PTPN5: variants seen among roughly 807,000 people sequenced by gnomAD.
PTPN5 encodes the protein protein tyrosine phosphatase non-receptor type 5.
In PTPN5, 29 loss-of-function variants were observed where a neutral mutation model predicts 73.9. The observed-to-expected ratio is 0.39, with a 90% CI of 0.29 to 0.54. The LOEUF (loss-of-function observed/expected upper bound fraction) is 0.54. Ranked by LOEUF, PTPN5 falls within the 20% of genes least tolerant of loss-of-function variation. The pLI, the probability that PTPN5 is intolerant of heterozygous loss-of-function variation, is 0.65. For synonymous variants in PTPN5, 267 were observed against 304.7 expected, an observed-to-expected ratio of 0.88 and a Z score of 1.29; for missense variants, 652 against 751.4, an observed-to-expected ratio of 0.87 and a Z score of 1.55.
In PTPN5 at chr11:18,759,699, T is replaced by G. The variant is rs536497776; in HGVS notation, c.97+6108A>C. Among the ~76,000 whole-genome samples, 6 of 152,162 alleles carry G rather than the reference T, an allele frequency of 3.9e-5. No homozygotes were observed. The East Asian group carries it at 7.7e-4, about 20-fold the overall frequency. ...TAAATATCTCTAAATGTATTTGAAG[T>G]CTTGAATGAAAACAGAACCATCAAT... On this transcript the variant is annotated intron_variant, in intron 3 of 14. Transcript: ENST00000358540.
At chr11:18,731,398 T>C (rs1023275986) in intron 12 of PTPN5, among the ~76,000 whole-genome samples, 2 of 152,130 alleles carry the variant, frequency 1.3e-5, no homozygotes, top group African/African-American at 4.8e-5. Context: ...AGCTCTGTGT[T>C]CACAGTATCC....
Position 18,729,409 on chromosome 11 carries a change from G to T in PTPN5, c.1604+44C>A. The T allele has an allele frequency of 1.0e-6, 1 of 958,788 alleles. No individual in the cohort carries two copies. 59.4% of individuals were successfully genotyped at this position (958,788 alleles called of 1,614,324 possible). A position where few individuals can be genotyped will look rare whatever the true frequency, so the allele number is the denominator to read the frequency against. ...GGGTCTCTCCCTCTACCCGCTCGGG[G>T]CTCTAGCTCCCTTGTGTGTCCCCAC... On this transcript the variant is annotated intron_variant, in intron 14 of 14. Coordinates refer to ENST00000358540, the MANE Select transcript of PTPN5 (RefSeq NM_006906.2). This position sits in a 1 kb window ranked among gnomAD's most constrained non-coding sequence, Gnocchi z 5.2.
At chr11:18,759,668 T>C (rs748286570) in intron 3 of PTPN5, among the ~76,000 whole-genome samples, 1 of 152,232 alleles carries the variant, frequency 6.6e-6, no homozygotes, top group Non-Finnish European at 1.5e-5. Context: ...GTACCATCAA[T>C]GACAATAAAT....
chr11:18,748,810 G>C (rs138217559), intron 3 of PTPN5, among the ~76,000 whole-genome samples: 1 of 152,258 alleles, frequency 6.6e-6, no homozygotes, highest in East Asian at 1.9e-4. Context: ...AAGATTCAAT[G>C]TCATGCAATT....
Position 18,771,991 on chromosome 11 carries a change from C to T in PTPN5, c.-33G>A, listed in dbSNP as rs1246608229. The T allele has an allele frequency of 2.6e-6, 4 of 1,542,092 alleles. No homozygotes were observed. The highest frequency in any genetic ancestry group is 3.4e-4 in the Middle Eastern group (2 of 5,880). On this transcript the variant is annotated 5_prime_UTR_variant, in exon 2 of 15. Transcript: ENST00000358540. Reference sequence around the variant, plus strand: ...GTGTCTGGATGGGGAAGGGTGCCATCTTCCAGGGCAGGAAGCTTTCTCAGC... The same window carrying T: ...GTGTCTGGATGGGGAAGGGTGCCATTTTCCAGGGCAGGAAGCTTTCTCAGC...
At chr11:18,764,341 G>T (rs1564916669) in intron 3 of PTPN5, among the ~76,000 whole-genome samples, 1 of 152,176 alleles carries the variant, frequency 6.6e-6, no homozygotes, top group African/African-American at 2.4e-5. Context: ...CCGCAAGACA[G>T]CCATTCAGAT....
At chr11:18,751,408 G>A (rs1246004728) in intron 3 of PTPN5, among the ~76,000 whole-genome samples, 2 of 152,148 alleles carry the variant, frequency 1.3e-5, no homozygotes, top group Admixed American at 6.5e-5. Flanking sequence ...GAGAAGCCCT[G>A]GAGGAAAAAA....
rs140552183 is a variant in PTPN5 at position 18,743,418 on chromosome 11, C to G, written c.303G>C (p.Gly101=). ...GGCCATAACCGCTGAACCAGAGCAC[C>G]CCACAGGCAAGCTGGGGCACAGGGG... ...FAASQFLLAC[G]VLWFSGYGHI... The change falls in exon 5 of 15, where the codon GGG becomes GGC. Residue 101 remains glycine (G), a synonymous_variant. Coordinates refer to ENST00000358540, the MANE Select transcript of PTPN5 (RefSeq NM_006906.2). 41 of 1,614,096 alleles carry G rather than the reference C, an allele frequency of 2.5e-5. 1 individual carries two copies. In the Middle Eastern group the frequency reaches 4.9e-4, roughly 19 times the overall value.
In PTPN5 at chr11:18,743,638, C is replaced by T. The variant is rs1590517057; in HGVS notation, c.292-209G>A. The T allele has an allele frequency of 6.7e-6, 4 of 599,008 alleles. No homozygotes were observed. In the East Asian group the frequency reaches 1.1e-4, roughly 17 times the overall value. The allele number at this position is 599,008 out of a possible 1,614,324, so 37.1% of individuals were successfully genotyped here. A position where few individuals can be genotyped will look rare whatever the true frequency, so the allele number is the denominator to read the frequency against. On this transcript the variant is annotated intron_variant, in intron 4 of 14. Coordinates refer to ENST00000358540, the MANE Select transcript of PTPN5 (RefSeq NM_006906.2). ...TGGAGAAAAGCTGACTGAAGGGAAC[C>T]AAGAGAAAGCCCTTTCCAGAGAGGA... is the stretch of plus-strand genomic sequence containing the variant.
At chr11:18,738,972 CA>C (rs375555659) in intron 8 of PTPN5, among the ~76,000 whole-genome samples, 6,149 of 70,088 alleles carry the variant, frequency 0.088, 177 homozygotes, top group East Asian at 0.27. Context: ...AACCCTGTCT[CA>C]AAAAAAAAAA....
At chr11:18,756,390 G>A (rs1181692023) in intron 3 of PTPN5, among the ~76,000 whole-genome samples, 1 of 147,926 alleles carries the variant, frequency 6.8e-6, no homozygotes, top group Non-Finnish European at 1.5e-5. Flanking sequence ...TCTGCTTCCC[G>A]GGTTCAAGTG....
At chr11:18,751,192 GCTCC>G (rs2134251919) in intron 3 of PTPN5, among the ~76,000 whole-genome samples, 1 of 152,302 alleles carries the variant, frequency 6.6e-6, no homozygotes, top group South Asian at 2.1e-4. Context: ...GCTGGAGGTG[GCTCC>G]CTATTTTCTG....
chr11:18,784,309 T>C (rs561732484), intron 1 of PTPN5, among the ~76,000 whole-genome samples: 5 of 152,266 alleles, frequency 3.3e-5, no homozygotes, highest in African/African-American at 1.2e-4. Flanking sequence ...ATGGAATATA[T>C]TCAGCTTTGA....
intron 3 of PTPN5, among the ~76,000 whole-genome samples, chr11:18,754,963 C>T (rs552591861): frequency 2.0e-5 from 3 of 152,286 alleles, no homozygotes; most frequent in South Asian, 4.1e-4. Context: ...GTCCCTCCTA[C>T]GTGGTACCAG....
intron 3 of PTPN5, among the ~76,000 whole-genome samples, chr11:18,746,164 T>A (rs1434167360): frequency 1.1e-3 from 71 of 64,498 alleles, no homozygotes; most frequent in African/African-American, 4.3e-3. Context: ...TAAATATAAA[T>A]ATATATATAT....
At chr11:18,758,771 T>C (rs1850262110) in intron 3 of PTPN5, among the ~76,000 whole-genome samples, 1 of 152,126 alleles carries the variant, frequency 6.6e-6, no homozygotes. Context: ...CATCTGTCAC[T>C]GCATATGTTA....
At chr11:18,767,038 C>T (rs895838039) in intron 2 of PTPN5, among the ~76,000 whole-genome samples, 1 of 152,200 alleles carries the variant, frequency 6.6e-6, no homozygotes, top group East Asian at 1.9e-4. Flanking sequence ...GGCCGTGGAT[C>T]CTTCCAATAA....
At chr11:18,761,709 T>C (rs769110716) in intron 3 of PTPN5, among the ~76,000 whole-genome samples, 36 of 152,002 alleles carry the variant, frequency 2.4e-4, no homozygotes, top group Non-Finnish European at 3.7e-4. Context: ...GCCTAGTCAT[T>C]TTCAAGAGTG....
chr11:18,781,139 C>A (rs991691119), intron 1 of PTPN5, among the ~76,000 whole-genome samples: 2 of 151,994 alleles, frequency 1.3e-5, no homozygotes, highest in African/African-American at 4.8e-5. Flanking sequence ...TGATCTTTGC[C>A]GCACCCCCCC....
Sources: gnomAD v4.1 joint callset for allele counts (sites outside exome capture counted in the v4.1 genomes callset) on GRCh38, gnomAD v4.1.1 for gene constraint, Gnocchi (gnomAD v3.1) non-coding constraint, MANE v1.5 for transcripts, NCBI Gene and HGNC (gene_info 2026-07-23, HGNC 2026-07-21) for gene names.